The following SYT14 variants were observed in gnomAD, a reference collection of about 807,000 sequenced individuals.
SYT14 encodes synaptotagmin 14, also known as synaptotagmin-14.
A neutral mutation model predicts 74.2 loss-of-function variants in SYT14; 32 were observed. That is an observed-to-expected ratio of 0.43 (90% CI 0.33 to 0.58). The LOEUF (loss-of-function observed/expected upper bound fraction) is 0.58. Ranked by LOEUF, SYT14 falls within the 20% of genes least tolerant of loss-of-function variation. The probability of loss-of-function intolerance (pLI) is 0.05; values close to 1 mark genes in which losing one functional copy is unlikely to be tolerated. For synonymous variants in SYT14, 298 were observed against 337.7 expected, an observed-to-expected ratio of 0.88 and a Z score of 1.29; for missense variants, 791 against 981.8, an observed-to-expected ratio of 0.81 and a Z score of 2.60.
At position 210,161,870 on chromosome 1, in the gene SYT14, C is replaced by A. The variant is rs1383567496; in HGVS notation, c.*828C>A. ...AGCTAATAGAGCAGGACTTTACTTT[C>A]AAATTTCTTTCAGTGATTGACTCTT... is the stretch of plus-strand genomic sequence containing the variant. On this transcript the variant is annotated 3_prime_UTR_variant, in exon 10 of 10. Coordinates refer to ENST00000637265, the Ensembl canonical transcript of SYT14. 2.2e-5 allele frequency: 10 copies of A among 450,596 alleles called. No individual in the cohort carries two copies. The East Asian group carries it at 7.0e-4, about 31-fold the overall frequency. 27.9% of individuals were successfully genotyped at this position (450,596 alleles called of 1,614,324 possible).
rs115164483 is a variant in SYT14, at chr1:210,036,660, A to G, written c.1312+15406A>G. On this transcript the variant is annotated intron_variant, in intron 5 of 9. Transcript: ENST00000637265. Reference sequence around the variant, plus strand: ...CATGAAGAGATGCTGAATTTTATCAAATGCTTTTTCAGCATCTGTTGAGAT... The same window carrying G: ...CATGAAGAGATGCTGAATTTTATCAGATGCTTTTTCAGCATCTGTTGAGAT... Among the ~76,000 whole-genome samples the G allele has an allele frequency of 8.5e-3, 1,291 of 152,218 alleles. 22 individuals carry two copies. Among genetic ancestry groups the G allele is most frequent in the African/African-American group, 0.03 (1,246 of 41,540 alleles).
At chr1:210,070,707 G>C (rs1400094250) in intron 5 of SYT14, among the ~76,000 whole-genome samples, 1 of 152,006 alleles carries the variant, frequency 6.6e-6, no homozygotes, top group East Asian at 1.9e-4. Context: ...AGTTTTAAGT[G>C]GCTTGCGCTT....
intron 2 of SYT14, among the ~76,000 whole-genome samples, chr1:209,994,061 T>A (rs1243937040): frequency 6.6e-6 from 1 of 152,146 alleles, no homozygotes; most frequent in African/African-American, 2.4e-5. Flanking sequence ...TGAGAGTCAG[T>A]GCTAGAACTC....
chr1:209,999,862 C>G (rs1400099307), intron 2 of SYT14, among the ~76,000 whole-genome samples: 1 of 152,078 alleles, frequency 6.6e-6, no homozygotes, highest in Non-Finnish European at 1.5e-5. Flanking sequence ...GACTAGTTAA[C>G]AACAATATAT....
chr1:209,970,116 G>T (rs2079223615), intron 2 of SYT14, among the ~76,000 whole-genome samples: 1 of 152,076 alleles, frequency 6.6e-6, no homozygotes, highest in African/African-American at 2.4e-5. Context: ...TGCTTTGGGG[G>T]TCTCAGTCAT....
intron 2 of SYT14, among the ~76,000 whole-genome samples, chr1:209,974,272 A>G (rs2079315370): frequency 6.6e-6 from 1 of 152,166 alleles, no homozygotes; most frequent in African/African-American, 2.4e-5. Flanking sequence ...TGTTTTAGAC[A>G]TGAAGTCCTT....
chr1:210,123,891 A>G (rs1313169209), intron 7 of SYT14, among the ~76,000 whole-genome samples: 2 of 152,202 alleles, frequency 1.3e-5, no homozygotes, highest in Non-Finnish European at 2.9e-5. Context: ...TAGTGTTTTC[A>G]GAAAGATGTG....
intron 2 of SYT14, among the ~76,000 whole-genome samples, chr1:209,965,162 G>C (rs1214462180): frequency 6.6e-6 from 1 of 152,094 alleles, no homozygotes; most frequent in African/African-American, 2.4e-5. Context: ...CTGAAATCTG[G>C]GCTTCTGTTG....
chr1:210,061,004 ATATGT>A lies in SYT14; in HGVS notation c.1313-33316_1313-33312del, dbSNP rs369472007. Among the ~76,000 whole-genome samples, 844 of 152,088 alleles carry A rather than the reference ATATGT, an allele frequency of 5.5e-3. 5 individuals are homozygous for A. Among genetic ancestry groups the A allele is most frequent in the African/African-American group, 0.019 (808 of 41,532 alleles). ...TTATCTTTGCAAGAAAACTGAAAAG[ATATGT>A]TTTGTTTACCTGAACTAGATTCTCT... On this transcript the variant is annotated intron_variant, in intron 5 of 9. Coordinates refer to ENST00000637265, the Ensembl canonical transcript of SYT14.
intron 6 of SYT14, among the ~76,000 whole-genome samples, chr1:210,096,911 G>A (rs1184011468): frequency 1.3e-5 from 2 of 152,022 alleles, no homozygotes; most frequent in Non-Finnish European, 2.9e-5. Flanking sequence ...ATTTAATATC[G>A]TATGAATTCT....
chr1:210,162,682 A>C, exon 10 of SYT14: 1 of 449,300 alleles, frequency 2.2e-6, no homozygotes, highest in South Asian at 1.6e-5. Context: ...TTACCATAAT[A>C]ACAAAACAAT....
At chr1:210,015,860 A>T in exon 4 of SYT14, 2 of 1,220,558 alleles carry the variant, frequency 1.6e-6, no homozygotes, top group Non-Finnish European at 2.0e-6. Context: ...TTACAGAAAG[A>T]TTAAAAGCTA....
chr1:210,021,162 G>A, exon 5 of SYT14: 3 of 1,614,000 alleles, frequency 1.9e-6, no homozygotes, highest in Non-Finnish European at 2.5e-6. Context: ...GCAGATTCTA[G>A]ACAAAGGAAC....
intron 7 of SYT14, among the ~76,000 whole-genome samples, chr1:210,110,241 A>G (rs185080270): frequency 6.6e-6 from 1 of 152,342 alleles, no homozygotes; most frequent in East Asian, 1.9e-4. Context: ...GATTCTGCAC[A>G]TGTATCCCAG....
intron 2 of SYT14, among the ~76,000 whole-genome samples, chr1:209,980,375 A>T (rs1017910649): frequency 6.6e-6 from 1 of 151,832 alleles, no homozygotes; most frequent in Admixed American, 6.6e-5. Flanking sequence ...AGATTGCAAA[A>T]TTTTCTCCTG....
chr1:210,023,907 G>A (rs1398622130), intron 5 of SYT14, among the ~76,000 whole-genome samples: 2 of 152,222 alleles, frequency 1.3e-5, no homozygotes, highest in Non-Finnish European at 2.9e-5. Flanking sequence ...GTGATAAAAT[G>A]TAGCGAATAT....
At chr1:210,020,939 T>C (rs1395216398) in intron 4 of SYT14, 100 bp from the exon 4 acceptor site, 7 of 965,356 alleles carry the variant, frequency 7.3e-6, no homozygotes, top group South Asian at 2.8e-5. Flanking sequence ...TTCTATACTT[T>C]ATTGTGTAAA....
At chr1:209,968,986 GAAT>G (rs1376387381) in intron 2 of SYT14, among the ~76,000 whole-genome samples, 1 of 152,086 alleles carries the variant, frequency 6.6e-6, no homozygotes, top group Non-Finnish European at 1.5e-5. Flanking sequence ...TTATAAGTGA[GAAT>G]ATGTGGTATT....
chr1:210,010,543 T>C (rs1290940063), intron 2 of SYT14, among the ~76,000 whole-genome samples: 1 of 152,208 alleles, frequency 6.6e-6, no homozygotes. Flanking sequence ...TCATCTCTTC[T>C]AAAGCGTTTT....
Sources: gnomAD v4.1 joint callset for allele counts (sites outside exome capture counted in the v4.1 genomes callset) on GRCh38, gnomAD v4.1.1 for gene constraint, MANE v1.5 for transcripts, NCBI Gene and HGNC (gene_info 2026-07-23, HGNC 2026-07-21) for gene names.